Variants in FBH1 observed in about 807,000 individuals in gnomAD.
The protein encoded by FBH1 is DNA 3'-5' helicase 1.
FBH1 carries 43 observed loss-of-function variants against 115.5 expected under a neutral mutation model. The ratio of observed to expected loss-of-function variants is 0.37; its 90% CI spans 0.29 to 0.48. The LOEUF (loss-of-function observed/expected upper bound fraction) is 0.48, where lower values mean the gene tolerates loss of function less well. FBH1 is among the 20% of genes least tolerant of loss of function. The probability of loss-of-function intolerance (pLI) is 0.99; values close to 1 mark genes in which losing one functional copy is unlikely to be tolerated. For missense variants in FBH1, 1,001 were observed against 1,337.3 expected (o/e 0.75, Z 3.92); for synonymous variants, 524 against 507.8 (o/e 1.03, Z -0.43).
chr10:5,937,593 A>G lies in FBH1; in HGVS notation c.*313A>G, dbSNP rs1397094110. ...ATTAAACAGGCACCATAGCACTGGC[A>G]TACCGCTGTGTGATGTCTGCGTCAG... On this transcript the variant is annotated 3_prime_UTR_variant, in exon 21 of 21. Coordinates refer to ENST00000362091, the MANE Select transcript of FBH1 (RefSeq NM_178150.3). The G allele has an allele frequency of 3.6e-5, 7 of 192,966 alleles. No homozygotes were observed. Among genetic ancestry groups the G allele is most frequent in the Non-Finnish European group, 7.3e-5 (7 of 95,818 alleles). 12.0% of individuals were successfully genotyped at this position (192,966 alleles called of 1,614,324 possible). A position where few individuals can be genotyped will look rare whatever the true frequency, so the allele number is the denominator to read the frequency against.
chr10:5,917,839 C>T lies in FBH1; in HGVS notation c.1963+163C>T, dbSNP rs1293879153. Among the ~76,000 whole-genome samples, 1 of 152,170 alleles carries T rather than the reference C, an allele frequency of 6.6e-6. No homozygotes were observed. Among genetic ancestry groups the T allele is most frequent in the Admixed American group, 6.5e-5 (1 of 15,272 alleles). ...TTTCAAGCTGCCCCTTCCCCTCACCCAAGCAGATTTCTCTGTCACCATAGG... is the reference window on the plus strand; with the variant it reads ...TTTCAAGCTGCCCCTTCCCCTCACCTAAGCAGATTTCTCTGTCACCATAGG... On this transcript the variant is annotated intron_variant, in intron 12 of 20. Coordinates refer to ENST00000362091, the MANE Select transcript of FBH1 (RefSeq NM_178150.3). The surrounding 1 kb of genome is among the most constrained non-coding windows in gnomAD (Gnocchi z 5.6).
Position 5,902,968 on chromosome 10 carries a change from T to G in FBH1, c.2-52T>G, listed in dbSNP as rs1843445087. ...ATAATGTGCTGGCTAGCTTGTAGAA[T>G]CGGTGATAACTAATGAATATCCCCT... is the stretch of plus-strand genomic sequence containing the variant. On this transcript the variant is annotated intron_variant, in intron 1 of 20. Coordinates refer to ENST00000362091, the MANE Select transcript of FBH1 (RefSeq NM_178150.3). 4.0e-6 allele frequency: 6 copies of G among 1,515,092 alleles called. No individual in the cohort carries two copies. The East Asian group carries it at 1.5e-4, about 37-fold the overall frequency. The allele number at this position is 1,515,092 out of a possible 1,614,324, so 93.9% of individuals were successfully genotyped here.
At position 5,903,372 on chromosome 10, in the gene FBH1, C is replaced by A. The variant is rs1349028350; in HGVS notation, c.157+197C>A. Among the ~76,000 whole-genome samples the A allele has an allele frequency of 2.0e-5, 3 of 150,722 alleles. No homozygotes were observed. The South Asian group carries it at 6.3e-4, about 31-fold the overall frequency. ...TGAGACGGAGTTTCAATCTTGTTGC[C>A]CTGGCTGGAGTGCAATGGCGCAATC... On this transcript the variant is annotated intron_variant, in intron 2 of 20. Coordinates refer to ENST00000362091, the MANE Select transcript of FBH1 (RefSeq NM_178150.3).
chr10:5,890,247 C>G lies in FBH1; in HGVS notation c.-99C>G, dbSNP rs530409122. The G allele has an allele frequency of 1.7e-5, 6 of 362,130 alleles. No individual in the cohort carries two copies. Among genetic ancestry groups the G allele is most frequent in the Admixed American group, 4.8e-5 (1 of 20,990 alleles). The allele number at this position is 362,130 out of a possible 1,614,324, so 22.4% of individuals were successfully genotyped here. A position where few individuals can be genotyped will look rare whatever the true frequency, so the allele number is the denominator to read the frequency against. The stretch of plus-strand genomic sequence containing the variant: ...GGCGGGCGTCTCGGGCTCCAGGTCC[C>G]GGCCAGAGGAGGAGCTCGCTGCCGG... On this transcript the variant is annotated 5_prime_UTR_variant, in exon 1 of 21. Coordinates refer to ENST00000362091, the MANE Select transcript of FBH1 (RefSeq NM_178150.3).
In FBH1 at chr10:5,932,640, C is replaced by T. The variant is rs11255997; in HGVS notation, c.2830-3816C>T. On this transcript the variant is annotated intron_variant, in intron 19 of 20. Coordinates refer to ENST00000362091, the MANE Select transcript of FBH1 (RefSeq NM_178150.3). This position sits in a 1 kb window ranked among gnomAD's most constrained non-coding sequence, Gnocchi z 5.9. Reference sequence around the variant, plus strand: ...TGTGCACAGGTCATTTCTGTTTTTGCCAGTGCATCTTCAGCATGCATTTCT... The same window carrying T: ...TGTGCACAGGTCATTTCTGTTTTTGTCAGTGCATCTTCAGCATGCATTTCT... Among the ~76,000 whole-genome samples, 12,032 of 152,196 alleles carry T rather than the reference C, an allele frequency of 0.079. 1,528 individuals are homozygous for T. Among genetic ancestry groups the T allele is most frequent in the African/African-American group, 0.27 (11,275 of 41,472 alleles).
intron 1 of FBH1, chr10:5,894,078 G>A (rs1354630859): frequency 1.0e-6 from 1 of 985,290 alleles, no homozygotes; most frequent in Non-Finnish European, 1.2e-6. Context: ...GAGGATCCCG[G>A]GGAGATTGAG....
In FBH1 at chr10:5,921,614, T is replaced by C; in HGVS notation, c.2322+45T>C. On this transcript the variant is annotated intron_variant, in intron 15 of 20. Coordinates refer to ENST00000362091, the MANE Select transcript of FBH1 (RefSeq NM_178150.3). This position sits in a 1 kb window ranked among gnomAD's most constrained non-coding sequence, Gnocchi z 6.4. ...GACCACTTCATGCACAGAAACGTTGTAGACGAACATACCCAATGGAAATGT... is the reference window on the plus strand; with the variant it reads ...GACCACTTCATGCACAGAAACGTTGCAGACGAACATACCCAATGGAAATGT... 1 of 1,577,104 alleles carries C rather than the reference T, an allele frequency of 6.3e-7. No individual in the cohort carries two copies. Among genetic ancestry groups the C allele is most frequent in the Non-Finnish European group, 8.5e-7 (1 of 1,170,944 alleles).
Position 5,933,904 on chromosome 10 carries a change from G to A in FBH1, c.2830-2552G>A, listed in dbSNP as rs997585219. On this transcript the variant is annotated intron_variant, in intron 19 of 20. Coordinates refer to ENST00000362091, the MANE Select transcript of FBH1 (RefSeq NM_178150.3). The surrounding 1 kb of genome is among the most constrained non-coding windows in gnomAD (Gnocchi z 4.9). ...TGACTTGAAGTGATCCACTCGCCTC[G>A]GCCTCCCAAAGTGTTGGGATTATAG... Among the ~76,000 whole-genome samples, 1 of 152,060 alleles carries A rather than the reference G, an allele frequency of 6.6e-6. No homozygotes were observed. The highest frequency in any genetic ancestry group is 1.5e-5 in the Non-Finnish European group (1 of 67,992).
chr10:5,895,079 C>T lies in FBH1; in HGVS notation c.1+4733C>T, dbSNP rs1458690283. 2 of 1,613,630 alleles carry T rather than the reference C, an allele frequency of 1.2e-6. No individual in the cohort carries two copies. The highest frequency in any genetic ancestry group is 1.7e-5 in the Admixed American group (1 of 59,924). On this transcript the variant is annotated intron_variant, in intron 1 of 20. Coordinates refer to ENST00000362091, the MANE Select transcript of FBH1 (RefSeq NM_178150.3). This position sits in a 1 kb window ranked among gnomAD's most constrained non-coding sequence, Gnocchi z 5.0. ...AGGCTGCCATTGGACCTGTCAAGTG[C>T]CTGAGTCATGTGATAATGGGCTACA...
At position 5,897,427 on chromosome 10, in the gene FBH1, A is replaced by G. The variant is rs891103572; in HGVS notation, c.2-5593A>G. Reference sequence around the variant, plus strand: ...GGTGGACACAGGGCTCCTGGCTCCCAGTTCAGAGCATCACAGCACCTCTCT... The same window carrying G: ...GGTGGACACAGGGCTCCTGGCTCCCGGTTCAGAGCATCACAGCACCTCTCT... On this transcript the variant is annotated intron_variant, in intron 1 of 20. Coordinates refer to ENST00000362091, the MANE Select transcript of FBH1 (RefSeq NM_178150.3). The surrounding 1 kb of genome is among the most constrained non-coding windows in gnomAD (Gnocchi z 4.7). 2.0e-5 allele frequency among the ~76,000 whole-genome samples: 3 copies of G among 152,182 alleles called. No individual in the cohort carries two copies. The highest frequency in any genetic ancestry group is 7.2e-5 in the African/African-American group (3 of 41,428).
chr10:5,921,630 A>G lies in FBH1; in HGVS notation c.2322+61A>G, dbSNP rs1832321544. 6 of 1,565,770 alleles carry G rather than the reference A, an allele frequency of 3.8e-6. No homozygotes were observed. Among genetic ancestry groups the G allele is most frequent in the East Asian group, 2.3e-5 (1 of 43,520 alleles). ...GAAACGTTGTAGACGAACATACCCA[A>G]TGGAAATGTTCACCTTCCTTGGGAT... On this transcript the variant is annotated intron_variant, in intron 15 of 20. Transcript: ENST00000362091. The surrounding 1 kb of genome is among the most constrained non-coding windows in gnomAD (Gnocchi z 6.4).
intron 19 of FBH1, 51 bp downstream of exon 19, chr10:5,927,592 AG>A: frequency 6.9e-7 from 1 of 1,459,360 alleles, no homozygotes; most frequent in East Asian, 2.3e-5. Context: ...AATGTTATTT[AG>A]TCTGCTTGAG....
In FBH1 at chr10:5,906,353, G is replaced by C. The variant is rs1843690331; in HGVS notation, c.474G>C (p.Arg158Ser). 1 of 1,614,204 alleles carries C rather than the reference G, an allele frequency of 6.2e-7. No individual in the cohort carries two copies. The highest frequency in any genetic ancestry group is 1.7e-5 in the Admixed American group (1 of 60,020). ...ACCATTTGTCTGTGCCATGCACAAG[G>C]CCTAGGGAGGCCAGGCAAGAAGCAG... Reference protein sequence around the residue: ...PRHHLSVPCTRPREARQEAED... With the variant: ...PRHHLSVPCTSPREARQEAED... Residue 158 changes from arginine to serine, a missense_variant, in exon 3 of 21, where the codon AGG becomes AGC. Arg to Ser is a moderately radical substitution (Grantham distance 110). This residue lies in a region of FBH1 where 420 missense variants were observed against 430.4 expected (regional missense o/e 0.98). Coordinates refer to ENST00000362091, the MANE Select transcript of FBH1 (RefSeq NM_178150.3). This position sits in a 1 kb window ranked among gnomAD's most constrained non-coding sequence, Gnocchi z 7.3.
chr10:5,898,231 C>T (rs1014733338), intron 1 of FBH1, among the ~76,000 whole-genome samples: 5 of 152,168 alleles, frequency 3.3e-5, no homozygotes, highest in South Asian at 4.1e-4. Flanking sequence ...AGTCTAAGAT[C>T]GAGGTGCCAG....
intron 1 of FBH1, 134 bp from the exon 2 acceptor site, chr10:5,902,886 G>T (rs999365709): frequency 1.7e-5 from 12 of 694,208 alleles, no homozygotes; most frequent in South Asian, 2.9e-5. Flanking sequence ...GCAAGGGGAG[G>T]GGGGAACGGT....
In FBH1 at chr10:5,909,322, G is replaced by C; in HGVS notation, c.1020+28G>C. 1 of 1,594,508 alleles carries C rather than the reference G, an allele frequency of 6.3e-7. No individual in the cohort carries two copies. The highest frequency in any genetic ancestry group is 8.5e-7 in the Non-Finnish European group (1 of 1,175,004). On this transcript the variant is annotated intron_variant, in intron 5 of 20. Coordinates refer to ENST00000362091, the MANE Select transcript of FBH1 (RefSeq NM_178150.3). This position sits in a 1 kb window ranked among gnomAD's most constrained non-coding sequence, Gnocchi z 4.4. ...AGGTCTGGAGGCTGCGGGAGAAGGC[G>C]GCATGTTATTTCACTGGAGGAAAGT... is the stretch of plus-strand genomic sequence containing the variant.
rs1291510468 is a variant in FBH1, at chr10:5,906,886, C to T, written c.753+254C>T. On this transcript the variant is annotated intron_variant, in intron 3 of 20. Transcript: ENST00000362091. This position sits in a 1 kb window ranked among gnomAD's most constrained non-coding sequence, Gnocchi z 7.3. Reference sequence around the variant, plus strand: ...TCTGCTGTGCCCTGACCACAGACTGCACATTCCTTCCCCTCCCTGGGTTGC... The same window carrying T: ...TCTGCTGTGCCCTGACCACAGACTGTACATTCCTTCCCCTCCCTGGGTTGC... Among the ~76,000 whole-genome samples, 1 of 152,142 alleles carries T rather than the reference C, an allele frequency of 6.6e-6. No homozygotes were observed. Among genetic ancestry groups the T allele is most frequent in the East Asian group, 1.9e-4 (1 of 5,196 alleles).
intron 1 of FBH1, among the ~76,000 whole-genome samples, chr10:5,891,315 C>G (rs539933989): frequency 3.9e-5 from 6 of 152,268 alleles, no homozygotes; most frequent in African/African-American, 1.4e-4. Flanking sequence ...AGAACTAGTC[C>G]AAGTACCAGC....
chr10:5,911,158 C>T lies in FBH1; in HGVS notation c.1211+30C>T, dbSNP rs1188159499. On this transcript the variant is annotated intron_variant, in intron 6 of 20. Coordinates refer to ENST00000362091, the MANE Select transcript of FBH1 (RefSeq NM_178150.3). The surrounding 1 kb of genome is among the most constrained non-coding windows in gnomAD (Gnocchi z 5.4). ...TGCCCCGGGAGGAGGGGAGGGGATG[C>T]TGTGATAATGGGAGAGTCCCAGACA... is the stretch of plus-strand genomic sequence containing the variant. The T allele has an allele frequency of 6.3e-7, 1 of 1,586,966 alleles. No individual in the cohort carries two copies. Among genetic ancestry groups the T allele is most frequent in the Non-Finnish European group, 8.6e-7 (1 of 1,164,016 alleles).
Sources: gnomAD v4.1 joint callset for allele counts (sites outside exome capture counted in the v4.1 genomes callset) on GRCh38, gnomAD v4.1.1 for gene constraint, gnomAD v4.1.1 regional missense constraint, Gnocchi (gnomAD v3.1) non-coding constraint, MANE v1.5 for transcripts, NCBI Gene and HGNC (gene_info 2026-07-23, HGNC 2026-07-21) for gene names.